The following CCDC13 variants were observed in gnomAD, a reference collection of about 807,000 sequenced individuals.
The protein encoded by CCDC13 is coiled-coil domain-containing protein 13.
A neutral mutation model predicts 87.3 loss-of-function variants in CCDC13; 70 were observed. That is an observed-to-expected ratio of 0.80 (90% CI 0.66 to 0.98). The LOEUF is 0.98. Among genes scored for constraint, CCDC13 ranks in the 50% least tolerant of loss-of-function variants. The probability of loss-of-function intolerance (pLI) is 0.00; values close to 1 mark genes in which losing one functional copy is unlikely to be tolerated. For missense variants in CCDC13, 842 were observed against 892.0 expected, an observed-to-expected ratio of 0.94 and a Z score of 0.71; for synonymous variants, 317 against 360.3, an observed-to-expected ratio of 0.88 and a Z score of 1.36.
intron 4 of CCDC13, among the ~76,000 whole-genome samples, 196 bp from the exon 5 acceptor site, chr3:42,752,221 T>C (rs1370133826): frequency 6.6e-6 from 1 of 152,204 alleles, no homozygotes; most frequent in Non-Finnish European, 1.5e-5. Context: ...GTCTGACCCA[T>C]TCCCTAATCG....
At chr3:42,711,466 A>G (rs891327681) in intron 14 of CCDC13, among the ~76,000 whole-genome samples, 1 of 152,134 alleles carries the variant, frequency 6.6e-6, no homozygotes, top group Non-Finnish European at 1.5e-5. Flanking sequence ...AAAAAGGATA[A>G]TAGTTTATGC....
chr3:42,762,705 G>A (rs1699859354), intron 1 of CCDC13, among the ~76,000 whole-genome samples: 1 of 152,166 alleles, frequency 6.6e-6, no homozygotes, highest in African/African-American at 2.4e-5. Flanking sequence ...GTGTCTCTTT[G>A]CTGATTTTGA....
chr3:42,752,537 GA>G (rs776652910), intron 4 of CCDC13, 37 bp downstream of exon 4: 1 of 1,612,682 alleles, frequency 6.2e-7, no homozygotes, highest in Non-Finnish European at 8.5e-7. Flanking sequence ...CCCATGCTAG[GA>G]GTCCCCTCCA....
intron 7 of CCDC13, among the ~76,000 whole-genome samples, chr3:42,744,585 C>T (rs1699335295): frequency 6.6e-6 from 1 of 151,678 alleles, no homozygotes; most frequent in African/African-American, 2.4e-5. Flanking sequence ...GTGGGCGGAT[C>T]ACGAGGTCAG....
chr3:42,750,043 G>A (rs1248630163), intron 5 of CCDC13: 1 of 423,690 alleles, frequency 2.4e-6, no homozygotes, highest in Non-Finnish European at 4.8e-6. Context: ...TGAGACCTGC[G>A]GCCCATCACA....
intron 9 of CCDC13, among the ~76,000 whole-genome samples, chr3:42,739,162 G>A (rs949265569): frequency 9.9e-5 from 15 of 152,172 alleles, no homozygotes; most frequent in African/African-American, 3.6e-4. Flanking sequence ...TAATGAATTT[G>A]AGTCTTAGTT....
chr3:42,742,927 C>A lies in CCDC13; in HGVS notation c.956G>T (p.Ser319Ile), dbSNP rs148220021. Residue 319 changes from serine (S) to isoleucine (I), a missense_variant, in exon 8 of 16, where the codon AGC (serine) becomes ATC (isoleucine). Transcript: ENST00000310232. ...AQEKNLLRIR[S>I]LEREKQEGLE... ...GCCTTCCTGTTTTTCCCTTTCCAGG[C>A]TGCGGATCCTCAGCAGGTTTTTCTC... The A allele has an allele frequency of 1.1e-4, 179 of 1,614,170 alleles. No individual in the cohort carries two copies. The African/African-American group carries it at 2.0e-3, about 18-fold the overall frequency.
chr3:42,722,167 C>T (rs1698579383), intron 13 of CCDC13, among the ~76,000 whole-genome samples: 1 of 152,148 alleles, frequency 6.6e-6, no homozygotes, highest in Non-Finnish European at 1.5e-5. Flanking sequence ...TTTTGTTGGA[C>T]TCAAGAGTTA....
rs192809229 is a variant in CCDC13 at position 42,743,247 on chromosome 3, C to T, written c.826-190G>A. The stretch of plus-strand genomic sequence containing the variant: ...ATCTTGAGCAACACATTGGAAGACA[C>T]CAGGAAAGTTCAGCTTAGAAAAATG... On this transcript the variant is annotated intron_variant, in intron 7 of 15. Coordinates refer to ENST00000310232, the MANE Select transcript of CCDC13 (RefSeq NM_144719.4). Among the ~76,000 whole-genome samples the T allele has an allele frequency of 6.6e-5, 10 of 151,972 alleles. No homozygotes were observed. The East Asian group carries it at 1.9e-3, about 30-fold the overall frequency.
intron 3 of CCDC13, among the ~76,000 whole-genome samples, chr3:42,754,946 A>G (rs1478911849): frequency 6.6e-6 from 1 of 152,194 alleles, no homozygotes; most frequent in East Asian, 1.9e-4. Flanking sequence ...AATGCTAACT[A>G]TCTGGCTAAA....
intron 9 of CCDC13, among the ~76,000 whole-genome samples, chr3:42,736,360 G>A (rs1177015727): frequency 6.6e-6 from 1 of 152,160 alleles, no homozygotes; most frequent in African/African-American, 2.4e-5. Context: ...CTGGGCAAAG[G>A]CTTCCTGCCT....
At chr3:42,712,314 C>G (rs1298116127) in intron 14 of CCDC13, among the ~76,000 whole-genome samples, 1 of 152,038 alleles carries the variant, frequency 6.6e-6, no homozygotes, top group East Asian at 1.9e-4. Flanking sequence ...CAGAGGCAGG[C>G]CCAGCCCCTC....
intron 3 of CCDC13, among the ~76,000 whole-genome samples, chr3:42,753,956 G>A (rs72865759): frequency 0.019 from 2,957 of 152,218 alleles, 134 homozygotes; most frequent in East Asian, 0.18. Context: ...GGCAGGCACC[G>A]GGAGCTAGTC....
At chr3:42,711,380 A>C (rs10490794) in intron 14 of CCDC13, among the ~76,000 whole-genome samples, 76,571 of 152,134 alleles carry the variant, frequency 0.5, 19,628 homozygotes, top group African/African-American at 0.61. Context: ...TTGGTATCAG[A>C]AGACCTGGCT....
At chr3:42,722,077 T>C (rs1485900025) in intron 13 of CCDC13, among the ~76,000 whole-genome samples, 1 of 152,242 alleles carries the variant, frequency 6.6e-6, no homozygotes, top group African/African-American at 2.4e-5. Context: ...ATTGCTGTTG[T>C]ACTCTTTGTA....
At chr3:42,764,161 G>A (rs748961879) in intron 1 of CCDC13, among the ~76,000 whole-genome samples, 1 of 152,200 alleles carries the variant, frequency 6.6e-6, no homozygotes, top group Non-Finnish European at 1.5e-5. Context: ...GCTTCAGAGA[G>A]AATAGATTGT....
chr3:42,759,338 AC>A (rs1185856965), intron 1 of CCDC13, among the ~76,000 whole-genome samples: 4 of 151,890 alleles, frequency 2.6e-5, no homozygotes, highest in Non-Finnish European at 5.9e-5. Flanking sequence ...TTTTATGTGT[AC>A]AAATGAGTTT....
rs778747601 is a variant in CCDC13 at position 42,752,583 on chromosome 3, C to G, written c.505G>C (p.Glu169Gln). 15 of 1,614,198 alleles carry G rather than the reference C, an allele frequency of 9.3e-6. No homozygotes were observed. The highest frequency in any genetic ancestry group is 1.3e-5 in the Non-Finnish European group (15 of 1,180,050). ...KQLTNRIQEL[E>Q]RELQTALTRL... ...TGACCAAGGCCCCTCACTTCCCGCT[C>G]CAGCTCCTGGATGCGATTGGTCAGC... is the stretch of plus-strand genomic sequence containing the variant. Residue 169 changes from glutamate (E) to glutamine (Q), a missense_variant, in exon 4 of 16, where the codon GAG becomes CAG. By Grantham distance (29) the Glu-to-Gln change is conservative (BLOSUM62 2). Transcript: ENST00000310232.
intron 1 of CCDC13, among the ~76,000 whole-genome samples, chr3:42,770,318 T>A (rs1443791082): frequency 6.6e-6 from 1 of 152,226 alleles, no homozygotes; most frequent in Non-Finnish European, 1.5e-5. Context: ...AGAATCTTTA[T>A]GTCTAGCTAA....
Sources: allele counts gnomAD v4.1 joint callset (sites outside exome capture counted in the v4.1 genomes callset), GRCh38; gene constraint gnomAD v4.1.1; transcripts MANE v1.5; gene names NCBI Gene and HGNC (gene_info 2026-07-23, HGNC 2026-07-21).